Variants in PARD3B observed in about 807,000 individuals in gnomAD.
PARD3B encodes the protein partitioning defective 3 homolog B.
In PARD3B, 103 loss-of-function variants were observed where a neutral mutation model predicts 130.2. That is an observed-to-expected ratio of 0.79 (90% confidence interval 0.67 to 0.93). The LOEUF is 0.93. PARD3B is among the 40% of genes least tolerant of loss of function. The pLI is 0.00. For missense variants in PARD3B, 1,609 were observed against 1,499.2 expected (o/e 1.07, Z -1.21); for synonymous variants, 583 against 553.2 (o/e 1.05, Z -0.76).
chr2:205,505,956 G>C (rs566360138), intron 21 of PARD3B, among the ~76,000 whole-genome samples: 203 of 152,258 alleles, frequency 1.3e-3, no homozygotes, highest in African/African-American at 4.7e-3. Context: ...GTTGGGAAGG[G>C]AGTACATTTG....
intron 2 of PARD3B, among the ~76,000 whole-genome samples, chr2:204,826,571 G>A (rs909939607): frequency 2.6e-5 from 4 of 152,114 alleles, no homozygotes; most frequent in African/African-American, 9.7e-5. Flanking sequence ...ATGTTAAAAA[G>A]TTACTTATGA....
At chr2:205,483,035 C>T (rs2049304549) in intron 20 of PARD3B, among the ~76,000 whole-genome samples, 1 of 152,092 alleles carries the variant, frequency 6.6e-6, no homozygotes, top group African/African-American at 2.4e-5. Context: ...TGATTACATG[C>T]TGCTTCAGTG....
intron 2 of PARD3B, among the ~76,000 whole-genome samples, chr2:204,863,360 A>G (rs1428550913): frequency 6.6e-6 from 1 of 152,140 alleles, no homozygotes; most frequent in African/African-American, 2.4e-5. Flanking sequence ...TCTGGTGAGG[A>G]GTCGTACTCT....
rs2031129039 is a variant in PARD3B, at chr2:205,124,385, T to A, written c.1224T>A (p.Gly408=). The change falls in exon 9 of 23, where the codon GGT becomes GGA. Residue 408 remains glycine, a synonymous_variant. Transcript: ENST00000406610. ...VTRDSSIHGP[G]PIFVKNILPK... is the part of the protein sequence containing the mutation. ...GAGACTCTTCCATACATGGTCCCGG[T>A]CCCATTTTTGTAAAAAACATTTTAC... 1 of 1,602,324 alleles carries A rather than the reference T, an allele frequency of 6.2e-7. No homozygotes were observed. Among genetic ancestry groups the A allele is most frequent in the African/African-American group, 1.3e-5 (1 of 74,532 alleles).
At chr2:205,371,964 C>G (rs1289864559) in intron 18 of PARD3B, among the ~76,000 whole-genome samples, 2 of 152,074 alleles carry the variant, frequency 1.3e-5, no homozygotes, top group Non-Finnish European at 2.9e-5. Context: ...AAGGTTCATC[C>G]ATGTTGTAAC....
intron 21 of PARD3B, among the ~76,000 whole-genome samples, chr2:205,543,644 C>T (rs2052262461): frequency 6.6e-6 from 1 of 152,124 alleles, no homozygotes; most frequent in South Asian, 2.1e-4. Context: ...ACTGTGTGAC[C>T]CTTAGGCAAG....
intron 2 of PARD3B, among the ~76,000 whole-genome samples, chr2:204,952,988 C>G (rs1299159289): frequency 7.7e-6 from 1 of 129,244 alleles, no homozygotes; most frequent in African/African-American, 3.0e-5. Flanking sequence ...CAGTGCGAGA[C>G]TCAGTCTCAA....
rs2046971754 is a variant in PARD3B, at chr2:205,421,476, T to C, written c.2742-18894T>C. ...TAGAAAAGCTGCCAGAATTTGTTTT[T>C]TCTCTTCATATGTTATAGGGTCTGA... On this transcript the variant is annotated intron_variant, in intron 19 of 22. Coordinates refer to ENST00000406610, the MANE Select transcript of PARD3B (RefSeq NM_001302769.2). The surrounding 1 kb of genome is among the most constrained non-coding windows in gnomAD (Gnocchi z 5.1). Among the ~76,000 whole-genome samples, 1 of 152,210 alleles carries C rather than the reference T, an allele frequency of 6.6e-6. No homozygotes were observed. Among genetic ancestry groups the C allele is most frequent in the Non-Finnish European group, 1.5e-5 (1 of 68,028 alleles).
At chr2:204,987,970 T>C (rs1693314641) in intron 3 of PARD3B, among the ~76,000 whole-genome samples, 1 of 151,302 alleles carries the variant, frequency 6.6e-6, no homozygotes, top group South Asian at 2.1e-4. Flanking sequence ...AAATGAAAAA[T>C]AGACTTCAGG....
In PARD3B at chr2:205,230,822, C is replaced by T. The variant is rs1343113655; in HGVS notation, c.2141-14956C>T. Among the ~76,000 whole-genome samples, 1 of 152,218 alleles carries T rather than the reference C, an allele frequency of 6.6e-6. No individual in the cohort carries two copies. Among genetic ancestry groups the T allele is most frequent in the East Asian group, 1.9e-4 (1 of 5,160 alleles). ...CTCAGGTTCTGACTGCTGGGATGGG[C>T]AATTTCCCTCTGGCTAGGGCTGGTC... is the stretch of plus-strand genomic sequence containing the variant. On this transcript the variant is annotated intron_variant, in intron 15 of 22. Coordinates refer to ENST00000406610, the MANE Select transcript of PARD3B (RefSeq NM_001302769.2). The surrounding 1 kb of genome is among the most constrained non-coding windows in gnomAD (Gnocchi z 4.1).
chr2:205,477,213 A>G (rs896399478), intron 20 of PARD3B, among the ~76,000 whole-genome samples: 1 of 152,198 alleles, frequency 6.6e-6, no homozygotes, highest in Non-Finnish European at 1.5e-5. Flanking sequence ...GTTATTATGT[A>G]ATTCATTATC....
At chr2:205,045,448 A>G (rs1239046641) in intron 3 of PARD3B, among the ~76,000 whole-genome samples, 1 of 151,934 alleles carries the variant, frequency 6.6e-6, no homozygotes, top group Admixed American at 6.6e-5. Flanking sequence ...GGGTTTCACC[A>G]TGTTGGCCAG....
chr2:205,516,235 T>A (rs1188070938), intron 21 of PARD3B, among the ~76,000 whole-genome samples: 1 of 152,156 alleles, frequency 6.6e-6, no homozygotes, highest in Admixed American at 6.5e-5. Flanking sequence ...ACATGATACC[T>A]CCTGCTTTGT....
At chr2:204,662,588 C>T (rs781264320) in intron 1 of PARD3B, among the ~76,000 whole-genome samples, 56 of 152,160 alleles carry the variant, frequency 3.7e-4, no homozygotes, top group Admixed American at 7.2e-4. Flanking sequence ...ATGTGTACTT[C>T]CTATTTTGTC....
rs183315869 is a variant in PARD3B, at chr2:204,588,916, C to A, written c.120+42797C>A. Among the ~76,000 whole-genome samples the A allele has an allele frequency of 2.3e-4, 35 of 152,208 alleles. 1 individual carries two copies. In the East Asian group the frequency reaches 4.3e-3, roughly 18 times the overall value. On this transcript the variant is annotated intron_variant, in intron 1 of 22. Transcript: ENST00000406610. ...AAATCCTCTTTTCCTCAACATCCCTCCTAAAATGTGGTTTCAAGGTGGCTA... is the reference window on the plus strand; with the variant it reads ...AAATCCTCTTTTCCTCAACATCCCTACTAAAATGTGGTTTCAAGGTGGCTA...
chr2:205,362,662 G>A (rs1488776115), intron 18 of PARD3B, among the ~76,000 whole-genome samples: 1 of 152,138 alleles, frequency 6.6e-6, no homozygotes, highest in Non-Finnish European at 1.5e-5. Flanking sequence ...CTTTCCACTT[G>A]TCAAAGCAGT....
chr2:205,476,176 A>C (rs754205725), intron 20 of PARD3B, among the ~76,000 whole-genome samples: 8 of 152,138 alleles, frequency 5.3e-5, no homozygotes, highest in Non-Finnish European at 1.0e-4. Flanking sequence ...CAGTGGAAAG[A>C]ACAGTCGTCA....
chr2:205,014,082 A>G (rs1331400446), intron 3 of PARD3B, among the ~76,000 whole-genome samples: 3 of 152,238 alleles, frequency 2.0e-5, no homozygotes, highest in Non-Finnish European at 4.4e-5. Context: ...GGAAAGTCTG[A>G]GAAAAGTCTT....
intron 1 of PARD3B, among the ~76,000 whole-genome samples, chr2:204,611,757 A>G (rs1338877822): frequency 6.6e-6 from 1 of 152,200 alleles, no homozygotes; most frequent in African/African-American, 2.4e-5. Flanking sequence ...AAATATACTG[A>G]TCCACTTTTA....
Sources: allele counts gnomAD v4.1 joint callset (sites outside exome capture counted in the v4.1 genomes callset), GRCh38; gene constraint gnomAD v4.1.1; non-coding constraint Gnocchi (gnomAD v3.1); transcripts MANE v1.5; gene names NCBI Gene and HGNC (gene_info 2026-07-23, HGNC 2026-07-21).